Variants in SUPV3L1 observed in about 807,000 individuals in gnomAD.
SUPV3L1 encodes ATP-dependent RNA helicase SUPV3L1, mitochondrial.
SUPV3L1 carries 35 observed loss-of-function variants against 70.0 expected under a neutral mutation model. That is an observed-to-expected ratio of 0.50 (90% CI 0.38 to 0.66). The LOEUF is 0.66. Among genes scored for constraint, SUPV3L1 ranks in the 30% least tolerant of loss-of-function variants. The pLI, the probability that SUPV3L1 is intolerant of heterozygous loss-of-function variation, is 0.00. For synonymous variants in SUPV3L1, 364 were observed against 341.9 expected (o/e 1.06, Z -0.71); for missense variants, 777 against 961.5 (o/e 0.81, Z 2.54).
chr10:69,190,667 C>CA (rs1318077798), intron 5 of SUPV3L1, among the ~76,000 whole-genome samples: 1 of 152,204 alleles, frequency 6.6e-6, no homozygotes, highest in African/African-American at 2.4e-5. Context: ...CAGGGTCTTA[C>CA]ACTGTATTTA....
intron 11 of SUPV3L1, among the ~76,000 whole-genome samples, chr10:69,201,078 A>G (rs1842668887): frequency 6.6e-6 from 1 of 152,188 alleles, no homozygotes; most frequent in South Asian, 2.1e-4. Context: ...GAGTATAGAC[A>G]TGAGATCATA....
chr10:69,194,901 T>C (rs1842498859), intron 6 of SUPV3L1, among the ~76,000 whole-genome samples: 1 of 149,776 alleles, frequency 6.7e-6, no homozygotes, highest in Non-Finnish European at 1.5e-5. Flanking sequence ...ATTTCATCTC[T>C]GCATTTAACT....
In SUPV3L1 at chr10:69,191,722, C is replaced by T; in HGVS notation, c.809C>T (p.Ser270Leu). 2 of 1,613,930 alleles carry T rather than the reference C, an allele frequency of 1.2e-6. No individual in the cohort carries two copies. The highest frequency in any genetic ancestry group is 1.7e-6 in the Non-Finnish European group (2 of 1,179,970). Residue 270 changes from serine (S) to leucine (L), a missense_variant, in exon 6 of 15, where the codon TCA becomes TTA. Ser to Leu is a moderately radical substitution (Grantham distance 145). Transcript: ENST00000359655. ...VTVQPNGKQA[S>L]HVSCTVEMCS... Reference sequence around the variant, plus strand: ...GTTCAGCCAAATGGGAAACAGGCTTCACATGTTTCTTGTACAGTTGAGATG... The same window carrying T: ...GTTCAGCCAAATGGGAAACAGGCTTTACATGTTTCTTGTACAGTTGAGATG...
At position 69,185,859 on chromosome 10, in the gene SUPV3L1, A is replaced by G. The variant is rs370098066; in HGVS notation, c.272-128A>G. On this transcript the variant is annotated intron_variant, in intron 1 of 14. Coordinates refer to ENST00000359655, the MANE Select transcript of SUPV3L1 (RefSeq NM_003171.5). ...ATGAATTCATAAAGAAGGATCGACTAAAACCTTCTAGTTCTTGCAACACTC... is the reference window on the plus strand; with the variant it reads ...ATGAATTCATAAAGAAGGATCGACTGAAACCTTCTAGTTCTTGCAACACTC... The G allele has an allele frequency of 1.3e-4, 97 of 758,286 alleles. No homozygotes were observed. The African/African-American group carries it at 1.4e-3, about 11-fold the overall frequency. 47.0% of individuals were successfully genotyped at this position (758,286 alleles called of 1,614,324 possible).
chr10:69,184,687 G>A (rs1842168159), intron 1 of SUPV3L1, among the ~76,000 whole-genome samples: 1 of 150,086 alleles, frequency 6.7e-6, no homozygotes, highest in Non-Finnish European at 1.5e-5. Flanking sequence ...TTAATTGTGG[G>A]CAGATCTAGT....
chr10:69,187,074 CAT>C (rs1300038712), intron 3 of SUPV3L1, among the ~76,000 whole-genome samples: 7 of 152,130 alleles, frequency 4.6e-5, no homozygotes, highest in Non-Finnish European at 5.9e-5. Context: ...GGAACAAACA[CAT>C]GTTTTTGCCT....
intron 2 of SUPV3L1, 66 bp downstream of exon 2, chr10:69,186,130 G>C: frequency 7.2e-7 from 1 of 1,385,510 alleles, no homozygotes; most frequent in Middle Eastern, 1.8e-4. Flanking sequence ...GGTCAGGACT[G>C]TACGACCCCT....
chr10:69,192,957 C>G (rs1480432578), intron 6 of SUPV3L1: 1 of 152,168 alleles, frequency 6.6e-6, no homozygotes, highest in Non-Finnish European at 1.5e-5. Context: ...GTGTGGTCCT[C>G]CCACCTAGGT....
chr10:69,199,519 C>T (rs1434071990), intron 10 of SUPV3L1, among the ~76,000 whole-genome samples: 2 of 151,752 alleles, frequency 1.3e-5, no homozygotes, highest in Non-Finnish European at 2.9e-5. Flanking sequence ...GTAGCTGGGA[C>T]CACAGGTGCA....
intron 7 of SUPV3L1, 97 bp downstream of exon 7, chr10:69,195,362 A>G: frequency 1.3e-6 from 1 of 780,142 alleles, no homozygotes. Context: ...AGAGTCACCT[A>G]GAACCTTTCT....
chr10:69,186,269 C>A (rs1446637358), intron 2 of SUPV3L1, among the ~76,000 whole-genome samples, 174 bp from the exon 3 acceptor site: 1 of 141,214 alleles, frequency 7.1e-6, no homozygotes, highest in African/African-American at 2.7e-5. Context: ...GGCCTTCCTT[C>A]ATGCTGTGCT....
chr10:69,200,601 A>G, intron 11 of SUPV3L1, 102 bp downstream of exon 11: 1 of 1,030,042 alleles, frequency 9.7e-7, no homozygotes, highest in East Asian at 2.6e-5. Flanking sequence ...CTGGATACAG[A>G]CATAAGTGAA....
chr10:69,200,535 G>A lies in SUPV3L1; in HGVS notation c.1518+36G>A, dbSNP rs1842658490. ...ACATGTTAACTACTGCTTCTCTGTG[G>A]AGGAGAGTCATTCTTTCCCTCACCC... On this transcript the variant is annotated intron_variant, in intron 11 of 14. Coordinates refer to ENST00000359655, the MANE Select transcript of SUPV3L1 (RefSeq NM_003171.5). 4 of 1,537,040 alleles carry A rather than the reference G, an allele frequency of 2.6e-6. No homozygotes were observed. In the South Asian group the frequency reaches 4.5e-5, roughly 17 times the overall value.
intron 10 of SUPV3L1, 58 bp downstream of exon 10, chr10:69,199,255 GT>G: frequency 7.6e-7 from 1 of 1,324,082 alleles, no homozygotes; most frequent in Non-Finnish European, 1.0e-6. Context: ...TGGTTTTTTT[GT>G]TTTTCAGTTT....
At chr10:69,208,250 G>A (rs1374820537) in intron 14 of SUPV3L1, among the ~76,000 whole-genome samples, 1 of 152,224 alleles carries the variant, frequency 6.6e-6, no homozygotes, top group Non-Finnish European at 1.5e-5. Flanking sequence ...GGAGTATCAG[G>A]CCCATGCCTG....
At chr10:69,195,582 A>G in intron 7 of SUPV3L1, among the ~76,000 whole-genome samples, 1 of 152,102 alleles carries the variant, frequency 6.6e-6, no homozygotes, top group East Asian at 1.9e-4. Context: ...TGGTGTTTTG[A>G]GAACATTAGT....
intron 11 of SUPV3L1, among the ~76,000 whole-genome samples, chr10:69,202,047 G>A (rs1441364128): frequency 6.7e-6 from 1 of 148,872 alleles, no homozygotes; most frequent in Non-Finnish European, 1.5e-5. Flanking sequence ...CACCATGTTG[G>A]GCAGGATGGT....
At chr10:69,189,887 C>A (rs1043621619) in intron 5 of SUPV3L1, among the ~76,000 whole-genome samples, 2 of 152,160 alleles carry the variant, frequency 1.3e-5, no homozygotes, top group Non-Finnish European at 2.9e-5. Flanking sequence ...ACCTCGTGAT[C>A]TGCCCGTCTC....
intron 7 of SUPV3L1, among the ~76,000 whole-genome samples, chr10:69,196,556 G>A (rs1842548710): frequency 6.6e-6 from 1 of 151,870 alleles, no homozygotes; most frequent in African/African-American, 2.4e-5. Context: ...ATACATTGAA[G>A]CCTGTTATGT....
Sources: gnomAD v4.1 joint callset for allele counts (sites outside exome capture counted in the v4.1 genomes callset) on GRCh38, gnomAD v4.1.1 for gene constraint, MANE v1.5 for transcripts, NCBI Gene and HGNC (gene_info 2026-07-23, HGNC 2026-07-21) for gene names.